IL26: variants seen among roughly 807,000 people sequenced by gnomAD.
IL26 encodes interleukin 26, also known as interleukin-26.
IL26 carries 23 observed loss-of-function variants against 21.7 expected under a neutral mutation model. That is an observed-to-expected ratio of 1.06 (90% CI 0.76 to 1.50). IL26 has a LOEUF of 1.50. Ranked by LOEUF, IL26 falls within the 40% of genes most tolerant of loss-of-function variation. IL26 has a pLI of 0.00. For synonymous variants in IL26, 63 were observed against 67.8 expected (o/e 0.93, Z 0.34); for missense variants, 204 against 196.0 (o/e 1.04, Z -0.24).
chr12:68,221,782 AC>A (rs1357137642), intron 3 of IL26, among the ~76,000 whole-genome samples: 1 of 152,214 alleles, frequency 6.6e-6, no homozygotes, highest in Non-Finnish European at 1.5e-5. Context: ...ACCAAGGATA[AC>A]TCAAATATAA....
intron 3 of IL26, among the ~76,000 whole-genome samples, chr12:68,214,621 T>C (rs1044696361): frequency 1.3e-5 from 2 of 152,202 alleles, no homozygotes; most frequent in African/African-American, 4.8e-5. Flanking sequence ...CTTTGGCTTG[T>C]AGTCTATCTG....
At position 68,225,435 on chromosome 12, in the gene IL26, C is replaced by T. The variant is rs1869214504; in HGVS notation, c.228+9G>A. On this transcript the variant is annotated intron_variant, in intron 2 of 4. Transcript: ENST00000229134. ...GAAATGTAAAAAAGAAGAAGACTTT[C>T]TGACTTACCATAAACTGCTTTTTTG... The T allele has an allele frequency of 2.6e-6, 4 of 1,568,584 alleles. No homozygotes were observed. Among genetic ancestry groups the T allele is most frequent in the Non-Finnish European group, 3.5e-6 (4 of 1,143,916 alleles).
chr12:68,207,466 A>G (rs1024019991), intron 3 of IL26, among the ~76,000 whole-genome samples: 1 of 152,204 alleles, frequency 6.6e-6, no homozygotes, highest in Non-Finnish European at 1.5e-5. Flanking sequence ...GATAATTAAC[A>G]TTATACAGCA....
At chr12:68,222,186 G>A (rs1478150868) in intron 3 of IL26, among the ~76,000 whole-genome samples, 1 of 152,206 alleles carries the variant, frequency 6.6e-6, no homozygotes, top group African/African-American at 2.4e-5. Flanking sequence ...ATAAAGAGCT[G>A]TAGTAATCCT....
intron 3 of IL26, among the ~76,000 whole-genome samples, chr12:68,206,861 G>A (rs1868558273): frequency 6.6e-6 from 1 of 152,142 alleles, no homozygotes; most frequent in Non-Finnish European, 1.5e-5. Context: ...CTCTTGGTTG[G>A]TAGAAACTGT....
At chr12:68,203,555 G>T (rs1014633121) in intron 3 of IL26, among the ~76,000 whole-genome samples, 1 of 152,150 alleles carries the variant, frequency 6.6e-6, no homozygotes, top group Non-Finnish European at 1.5e-5. Flanking sequence ...AAACGGAAGT[G>T]GGTAAATGAT....
At chr12:68,203,143 C>G (rs369386791) in intron 3 of IL26, among the ~76,000 whole-genome samples, 1 of 152,142 alleles carries the variant, frequency 6.6e-6, no homozygotes, top group East Asian at 1.9e-4. Context: ...GCTAGTATCT[C>G]GAGCAGCTGG....
At chr12:68,204,265 T>C (rs1459479825) in intron 3 of IL26, among the ~76,000 whole-genome samples, 1 of 149,808 alleles carries the variant, frequency 6.7e-6, no homozygotes, top group African/African-American at 2.5e-5. Context: ...TGCCTCAGCC[T>C]CCCGAACAGC....
intron 3 of IL26, among the ~76,000 whole-genome samples, chr12:68,213,875 A>G (rs1352039744): frequency 6.6e-6 from 1 of 151,948 alleles, no homozygotes; most frequent in Admixed American, 6.6e-5. Context: ...CTGCTCTGAC[A>G]TTTATTAGTT....
chr12:68,201,854 G>C lies in IL26; in HGVS notation c.507C>G (p.Ser169Arg), dbSNP rs773640932. 9 of 1,589,494 alleles carry C rather than the reference G, an allele frequency of 5.7e-6. No homozygotes were observed. The African/African-American group carries it at 1.1e-4, about 19-fold the overall frequency. ...LLSWIKKLLE[S>R]SQ is the part of the protein sequence containing the mutation. ...TGTACTTGGCTTTGGTTTACTGACTGCTTTCCAATAATTTTTTAATCCAGG... is the reference window on the plus strand; with the variant it reads ...TGTACTTGGCTTTGGTTTACTGACTCCTTTCCAATAATTTTTTAATCCAGG... Residue 169 changes from serine (S) to arginine (R), a missense_variant, in exon 5 of 5, where the codon AGC (serine) becomes AGG (arginine). Physicochemically the swap from Ser to Arg is moderately radical, Grantham distance 110. Transcript: ENST00000229134.
At position 68,210,338 on chromosome 12, in the gene IL26, CAAAAAAAAAAAAAAAAAAAAAAAAAA is replaced by C. The variant is rs540693081; in HGVS notation, c.364-8281_364-8256del. ...ACTAAATAAATAAATATCAGTTTGG[CAAAAAAAAAAAAAAAAAAAAAAAAAA>C]AAAAAAAAAAAAAAAAAAAACAGCA... On this transcript the variant is annotated intron_variant, in intron 3 of 4. Transcript: ENST00000229134. 7.9e-3 allele frequency among the ~76,000 whole-genome samples: 174 copies of C among 22,090 alleles called. 4 individuals carry two copies. The highest frequency in any genetic ancestry group is 0.063 in the East Asian group (16 of 252). The allele number at this position is 22,090 out of a possible 152,430, so 14.5% of individuals were successfully genotyped here. A position where few individuals can be genotyped will look rare whatever the true frequency, so the allele number is the denominator to read the frequency against.
intron 3 of IL26, among the ~76,000 whole-genome samples, chr12:68,215,163 T>C (rs1171587015): frequency 6.6e-6 from 1 of 152,132 alleles, no homozygotes; most frequent in Non-Finnish European, 1.5e-5. Flanking sequence ...TTTAACTCCA[T>C]CCCCCAACAC....
chr12:68,208,290 G>C (rs918070050), intron 3 of IL26, among the ~76,000 whole-genome samples: 3 of 152,126 alleles, frequency 2.0e-5, no homozygotes, highest in Non-Finnish European at 4.4e-5. Context: ...GAGTAGGCAG[G>C]GAAGCAAGGT....
chr12:68,211,514 A>G (rs1049617327), intron 3 of IL26, among the ~76,000 whole-genome samples: 1 of 152,180 alleles, frequency 6.6e-6, no homozygotes, highest in African/African-American at 2.4e-5. Flanking sequence ...ACTAGTTTAC[A>G]TTCCCACCAA....
intron 2 of IL26, 55 bp downstream of exon 2, chr12:68,225,389 G>A: frequency 7.9e-6 from 12 of 1,515,228 alleles, no homozygotes; most frequent in African/African-American, 1.4e-5. Flanking sequence ...AATGCAGGGG[G>A]AAATAAACAT....
intron 3 of IL26, among the ~76,000 whole-genome samples, chr12:68,212,116 A>C (rs1868750123): frequency 6.6e-6 from 1 of 152,186 alleles, no homozygotes; most frequent in Non-Finnish European, 1.5e-5. Flanking sequence ...TTTTCCCAGC[A>C]TCATTTATTG....
rs558577227 is a variant in IL26, at chr12:68,207,118, A to G, written c.364-5035T>C. Among the ~76,000 whole-genome samples the G allele has an allele frequency of 2.4e-4, 36 of 152,324 alleles. 1 individual carries two copies. The highest frequency in any genetic ancestry group is 8.2e-4 in the African/African-American group (34 of 41,580). On this transcript the variant is annotated intron_variant, in intron 3 of 4. Coordinates refer to ENST00000229134, the MANE Select transcript of IL26 (RefSeq NM_018402.2). ...AGATTTTTAAAAAGGTGTTTCTGGA[A>G]AAGTGCAAGGTTTTCACACCTGCTG...
chr12:68,216,030 C>T (rs370513031), intron 3 of IL26, among the ~76,000 whole-genome samples: 5 of 150,938 alleles, frequency 3.3e-5, no homozygotes, highest in Non-Finnish European at 7.4e-5. Context: ...TGGTGGCTCA[C>T]GCCTGTAATC....
chr12:68,215,598 G>A (rs1025092324), intron 3 of IL26, among the ~76,000 whole-genome samples: 1 of 152,244 alleles, frequency 6.6e-6, no homozygotes, highest in Non-Finnish European at 1.5e-5. Context: ...AAATGAATTT[G>A]TCAGCAAAAC....
Sources: allele counts gnomAD v4.1 joint callset (sites outside exome capture counted in the v4.1 genomes callset), GRCh38; gene constraint gnomAD v4.1.1; transcripts MANE v1.5; gene names NCBI Gene and HGNC (gene_info 2026-07-23, HGNC 2026-07-21).